DNAH5: variants seen among roughly 807,000 people sequenced by gnomAD.
DNAH5 encodes the protein axonemal beta dynein heavy chain 5.
DNAH5 carries 372 observed loss-of-function variants against 518.2 expected under a neutral mutation model. That is an observed-to-expected ratio of 0.72 (90% confidence interval 0.66 to 0.78). The LOEUF (loss-of-function observed/expected upper bound fraction) is 0.78. Ranked by LOEUF, DNAH5 falls within the 30% of genes least tolerant of loss-of-function variation. The pLI, the probability that DNAH5 is intolerant of heterozygous loss-of-function variation, is 0.00. For missense variants in DNAH5, 5,523 were observed against 5,687.0 expected (o/e 0.97, Z 0.93); for synonymous variants, 2,039 against 2,025.9 (o/e 1.01, Z -0.17).
chr5:13,896,107 A>G (rs757225211), intron 15 of DNAH5, among the ~76,000 whole-genome samples: 1 of 151,672 alleles, frequency 6.6e-6, no homozygotes, highest in Non-Finnish European at 1.5e-5. Flanking sequence ...TCCTGCTTCC[A>G]CTCACCCTCC....
At chr5:13,912,272 C>T (rs1776075759) in intron 11 of DNAH5, among the ~76,000 whole-genome samples, 1 of 152,026 alleles carries the variant, frequency 6.6e-6, no homozygotes, top group Admixed American at 6.6e-5. Flanking sequence ...TCTTCAAAGT[C>T]ACTTCCATTT....
At chr5:13,717,574 C>A in intron 72 of DNAH5, 54 bp from the exon 73 acceptor site, 1 of 1,386,880 alleles carries the variant, frequency 7.2e-7, no homozygotes, top group East Asian at 2.3e-5. Flanking sequence ...TCTTTATTTT[C>A]TACTACTTTT....
Position 13,841,305 on chromosome 5 carries a change from T to C in DNAH5, c.5485-175A>G, listed in dbSNP as rs554210277. The stretch of plus-strand genomic sequence containing the variant: ...TTCTATTTCTTATCATTTTGAGTCA[T>C]TTATGTTGAAGTCACGTTTCTCATT... On this transcript the variant is annotated intron_variant, in intron 33 of 78. Coordinates refer to ENST00000265104, the MANE Select transcript of DNAH5 (RefSeq NM_001369.3). Among the ~76,000 whole-genome samples, 30 of 152,324 alleles carry C rather than the reference T, an allele frequency of 2.0e-4. No homozygotes were observed. In the South Asian group the frequency reaches 6.2e-3, roughly 32 times the overall value.
intron 37 of DNAH5, 31 bp from the exon 38 acceptor site, chr5:13,829,735 G>T: frequency 6.3e-7 from 1 of 1,588,662 alleles, no homozygotes; most frequent in Non-Finnish European, 8.6e-7. Flanking sequence ...AAGGATGAAT[G>T]ATGCAATCAA....
Position 13,714,482 on chromosome 5 carries a change from C to T in DNAH5, c.13048G>A (p.Glu4350Lys), listed in dbSNP as rs1390319056. The T allele has an allele frequency of 1.9e-6, 3 of 1,614,180 alleles. No individual in the cohort carries two copies. The highest frequency in any genetic ancestry group is 1.7e-5 in the Admixed American group (1 of 60,024). Residue 4350 changes from glutamate (E) to lysine (K), a missense_variant, in exon 75 of 79, where the codon GAG becomes AAG. By Grantham distance (56) the Glu-to-Lys change is moderately conservative. This residue lies in a region of DNAH5 where 387 missense variants were observed against 430.0 expected (regional missense o/e 0.90). Coordinates refer to ENST00000265104, the MANE Select transcript of DNAH5 (RefSeq NM_001369.3). ...CGGGCCACCACCGCCTCCCGGGTCT[C>T]ATCCCCTCCACCAGAGGTGTCCTTG... The part of the protein sequence containing the change: ...QPKDTSGGGD[E>K]TREAVVARLA...
rs989184330 is a variant in DNAH5 at position 13,830,205 on chromosome 5, G to T, written c.6070C>A (p.Gln2024Lys). The T allele has an allele frequency of 3.1e-6, 5 of 1,613,754 alleles. No individual in the cohort carries two copies. The highest frequency in any genetic ancestry group is 1.6e-4 in the Middle Eastern group (1 of 6,062). The change falls in exon 37 of 79, where the codon CAG (glutamine) becomes AAG (lysine). Residue 2024 changes from glutamine (Q) to lysine (K), a missense_variant. This residue lies in a region of DNAH5 where 5,121 missense variants were observed against 5,223.3 expected (regional missense o/e 0.98). Coordinates refer to ENST00000265104, the MANE Select transcript of DNAH5 (RefSeq NM_001369.3). ...GLGRIFKGLA[Q>K]SGSWGCFDEF... ...TCAAAACAACCCCAGGATCCAGACTGTGCCAGTCCTTCGAAAGGAAATTAA... is the reference window on the plus strand; with the variant it reads ...TCAAAACAACCCCAGGATCCAGACTTTGCCAGTCCTTCGAAAGGAAATTAA...
chr5:13,859,054 C>T (rs563703129), intron 30 of DNAH5, among the ~76,000 whole-genome samples: 71 of 148,462 alleles, frequency 4.8e-4, no homozygotes, highest in Non-Finnish European at 8.3e-4. Context: ...TAATTGGGTA[C>T]ATTGTATAGT....
upstream of DNAH5, among the ~76,000 whole-genome samples, chr5:13,946,011 T>C (rs917272647): frequency 6.6e-6 from 1 of 152,200 alleles, no homozygotes; most frequent in African/African-American, 2.4e-5. Context: ...CCCTTCTCTG[T>C]GTGGTGCTGA....
chr5:13,909,701 TCCATTTGC>T lies in DNAH5; in HGVS notation c.1644+1677_1644+1684del, dbSNP rs538277083. Among the ~76,000 whole-genome samples the T allele has an allele frequency of 1.1e-4, 16 of 152,312 alleles. No homozygotes were observed. In the South Asian group the frequency reaches 3.3e-3, roughly 32 times the overall value. Reference sequence around the variant, plus strand: ...TTCTTTCCTAAGTAGCCATTTTAACTCCATTTGCCCTTTTTTAAATGCTAAATTCATTA... The same window carrying T: ...TTCTTTCCTAAGTAGCCATTTTAACTCCTTTTTTAAATGCTAAATTCATTA... On this transcript the variant is annotated intron_variant, in intron 12 of 78. Transcript: ENST00000265104.
chr5:13,945,120 G>A (rs1015977406), upstream of DNAH5, among the ~76,000 whole-genome samples: 1 of 152,170 alleles, frequency 6.6e-6, no homozygotes, highest in African/African-American at 2.4e-5. Context: ...TAAATTACTT[G>A]TGCTCACACA....
At chr5:13,754,104 C>A (rs141988768) in intron 62 of DNAH5, 99 bp downstream of exon 62, 3 of 1,402,420 alleles carry the variant, frequency 2.1e-6, no homozygotes, top group Non-Finnish European at 3.0e-6. Flanking sequence ...TGTATACATG[C>A]GCCATGTTGG....
chr5:14,008,938 G>C (rs945766622), intron 1 of DNAH5, among the ~76,000 whole-genome samples: 1 of 152,196 alleles, frequency 6.6e-6, no homozygotes, highest in African/African-American at 2.4e-5. Flanking sequence ...CCTGGCCATG[G>C]GCCGGGCCTG....
At chr5:13,933,421 A>G (rs1360353530) in intron 1 of DNAH5, among the ~76,000 whole-genome samples, 1 of 152,234 alleles carries the variant, frequency 6.6e-6, no homozygotes, top group East Asian at 1.9e-4. Flanking sequence ...TGAAATGAAA[A>G]CACACTAAAA....
chr5:13,971,688 G>A (rs1781883024), intron 1 of DNAH5, among the ~76,000 whole-genome samples: 1 of 152,204 alleles, frequency 6.6e-6, no homozygotes, highest in South Asian at 2.1e-4. Flanking sequence ...GCAAAGGAGT[G>A]AAGTGGATTC....
chr5:13,789,066 T>C, intron 50 of DNAH5, 152 bp from the exon 51 acceptor site: 1 of 678,550 alleles, frequency 1.5e-6, no homozygotes, highest in Non-Finnish European at 2.5e-6. Flanking sequence ...TCACTTCAAA[T>C]TGTCCTCATT....
At chr5:13,734,441 C>T (rs1747057154) in intron 68 of DNAH5, among the ~76,000 whole-genome samples, 1 of 152,156 alleles carries the variant, frequency 6.6e-6, no homozygotes, top group Non-Finnish European at 1.5e-5. Context: ...TGGGCTGTTT[C>T]GTTTGAATGG....
At chr5:13,931,811 C>T (rs1778455693) in intron 1 of DNAH5, among the ~76,000 whole-genome samples, 1 of 152,168 alleles carries the variant, frequency 6.6e-6, no homozygotes, top group Non-Finnish European at 1.5e-5. Context: ...TATGATCATA[C>T]AATCCTATTC....
chr5:13,811,906 T>C, intron 43 of DNAH5, 83 bp from the exon 44 acceptor site: 1 of 1,188,540 alleles, frequency 8.4e-7, no homozygotes, highest in Admixed American at 1.7e-5. Flanking sequence ...ATTTTAAAAG[T>C]ATCTGTTAAT....
rs1362083832 is a variant in DNAH5 at position 13,855,204 on chromosome 5, A to T, written c.4950+4248T>A. Among the ~76,000 whole-genome samples, 14 of 54,034 alleles carry T rather than the reference A, an allele frequency of 2.6e-4. 2 individuals carry two copies. The highest frequency in any genetic ancestry group is 3.7e-4 in the Non-Finnish European group (9 of 24,610). 35.4% of individuals were successfully genotyped at this position (54,034 alleles called of 152,430 possible). ...CATAGATTTTCATCATAAATCTTAC[A>T]TTTTTTTTTTTTTTTTTTTTTTGAG... On this transcript the variant is annotated intron_variant, in intron 30 of 78. Transcript: ENST00000265104.
Sources: allele counts gnomAD v4.1 joint callset (sites outside exome capture counted in the v4.1 genomes callset), GRCh38; gene constraint gnomAD v4.1.1; regional missense constraint gnomAD v4.1.1; transcripts MANE v1.5; gene names NCBI Gene and HGNC (gene_info 2026-07-23, HGNC 2026-07-21).